Variants in STAU2 observed in about 807,000 individuals in gnomAD.
STAU2 encodes the protein staufen double-stranded RNA binding protein 2, also known as double-stranded RNA-binding protein Staufen homolog 2.
A neutral mutation model predicts 65.9 loss-of-function variants in STAU2; 20 were observed. The observed-to-expected ratio is 0.30, with a 90% CI of 0.21 to 0.44. The LOEUF (loss-of-function observed/expected upper bound fraction) is 0.44. STAU2 is among the 20% of genes least tolerant of loss of function. The pLI is 1.00. For missense variants in STAU2, 558 were observed against 683.9 expected (o/e 0.82, Z 2.05); for synonymous variants, 232 against 233.9 (o/e 0.99, Z 0.07).
At chr8:73,547,114 C>A (rs904586234) in intron 13 of STAU2, among the ~76,000 whole-genome samples, 3 of 152,076 alleles carry the variant, frequency 2.0e-5, no homozygotes, top group Non-Finnish European at 4.4e-5. Context: ...ATTAAAGTTT[C>A]TTTGGTTGGA....
Position 73,709,042 on chromosome 8 carries a change from G to C in STAU2, c.104C>G (p.Ala35Gly). ...TCTTCATAACCTTACCTTTGAATGA[G>C]CAGGCCCTCTTTCATTCAGAAGTTT... ...QYKLLNERGPAHSKMFSVQLS... is the reference protein window; with the variant it reads ...QYKLLNERGPGHSKMFSVQLS... Residue 35 changes from alanine (A) to glycine (G), a missense_variant, in exon 4 of 15, where the codon GCT becomes GGT. This residue lies in a region of STAU2 where 112 missense variants were observed against 114.2 expected (regional missense o/e 0.98). Transcript: ENST00000524300. 1 of 1,526,598 alleles carries C rather than the reference G, an allele frequency of 6.6e-7. No homozygotes were observed. The highest frequency in any genetic ancestry group is 8.8e-7 in the Non-Finnish European group (1 of 1,142,170). 94.6% of individuals were successfully genotyped at this position (1,526,598 alleles called of 1,614,324 possible). A position where few individuals can be genotyped will look rare whatever the true frequency, so the allele number is the denominator to read the frequency against.
At chr8:73,665,865 T>C (rs1306207674) in intron 6 of STAU2, among the ~76,000 whole-genome samples, 1 of 152,178 alleles carries the variant, frequency 6.6e-6, no homozygotes, top group East Asian at 1.9e-4. Context: ...TATTTGCATA[T>C]AACCTATGCA....
chr8:73,437,506 G>A (rs2004254), intron 13 of STAU2, among the ~76,000 whole-genome samples: 3 of 151,974 alleles, frequency 2.0e-5, no homozygotes, highest in Non-Finnish European at 4.4e-5. Flanking sequence ...GAACTCAGCC[G>A]TGGGGACACC....
At chr8:73,495,091 T>C (rs1821334661) in intron 13 of STAU2, among the ~76,000 whole-genome samples, 2 of 151,608 alleles carry the variant, frequency 1.3e-5, no homozygotes, top group Admixed American at 1.3e-4. Flanking sequence ...TGGGAGTTTT[T>C]AATTCTTATT....
intron 5 of STAU2, among the ~76,000 whole-genome samples, chr8:73,684,278 A>C (rs1293672966): frequency 1.3e-5 from 2 of 152,218 alleles, no homozygotes; most frequent in Non-Finnish European, 2.9e-5. Context: ...CCAATGGCAC[A>C]GAATAGAGAA....
At chr8:73,580,990 C>A (rs1470657978) in intron 12 of STAU2, among the ~76,000 whole-genome samples, 1 of 152,194 alleles carries the variant, frequency 6.6e-6, no homozygotes, top group Non-Finnish European at 1.5e-5. Context: ...AGTTTTCTCA[C>A]TTCTAACTTT....
At chr8:73,527,869 C>G in intron 13 of STAU2, 1 of 367,898 alleles carries the variant, frequency 2.7e-6, no homozygotes, top group Non-Finnish European at 4.3e-6. Flanking sequence ...CAAATAGGTC[C>G]TTTTGCAAAG....
chr8:73,724,282 CA>C (rs780034024), intron 3 of STAU2, among the ~76,000 whole-genome samples: 1 of 152,126 alleles, frequency 6.6e-6, no homozygotes, highest in Non-Finnish European at 1.5e-5. Flanking sequence ...GGACAGTAAA[CA>C]CGATCCTTGT....
chr8:73,435,415 C>T (rs1282409349), intron 13 of STAU2, among the ~76,000 whole-genome samples: 2 of 151,888 alleles, frequency 1.3e-5, no homozygotes, highest in African/African-American at 4.9e-5. Flanking sequence ...TGAAGTTCCC[C>T]CAGGAAGACA....
At chr8:73,529,426 C>G (rs895481902) in intron 13 of STAU2, among the ~76,000 whole-genome samples, 8 of 152,048 alleles carry the variant, frequency 5.3e-5, no homozygotes, top group African/African-American at 1.7e-4. Flanking sequence ...ATATAATTAC[C>G]CTTTCGACAC....
chr8:73,691,529 CAATT>C (rs1819319470), intron 4 of STAU2, among the ~76,000 whole-genome samples: 1 of 151,880 alleles, frequency 6.6e-6, no homozygotes, highest in Non-Finnish European at 1.5e-5. Context: ...CTCCTGCTTG[CAATT>C]AACAACTACT....
intron 13 of STAU2, among the ~76,000 whole-genome samples, chr8:73,429,400 T>G (rs916222247): frequency 2.0e-5 from 3 of 148,836 alleles, no homozygotes; most frequent in Non-Finnish European, 4.5e-5. Context: ...CCAATCTATA[T>G]TCTTGCTCAG....
chr8:73,425,676 T>C (rs1816759682), intron 13 of STAU2, among the ~76,000 whole-genome samples: 1 of 152,220 alleles, frequency 6.6e-6, no homozygotes, highest in South Asian at 2.1e-4. Context: ...GTTATAAAAA[T>C]AGTTTTTTGT....
chr8:73,598,111 T>C (rs1811334394), intron 10 of STAU2, among the ~76,000 whole-genome samples: 1 of 152,110 alleles, frequency 6.6e-6, no homozygotes, highest in Non-Finnish European at 1.5e-5. Flanking sequence ...AAAAGATTCA[T>C]GACAAAGTTA....
chr8:73,703,414 C>T (rs1364448654), intron 4 of STAU2, among the ~76,000 whole-genome samples: 1 of 152,158 alleles, frequency 6.6e-6, no homozygotes, highest in Non-Finnish European at 1.5e-5. Context: ...CATGAGCTAA[C>T]TAAACCTCTT....
At chr8:73,697,680 G>A (rs187705420) in intron 4 of STAU2, among the ~76,000 whole-genome samples, 1 of 152,176 alleles carries the variant, frequency 6.6e-6, no homozygotes, top group African/African-American at 2.4e-5. Flanking sequence ...TAAAAAGCTG[G>A]CAGCGGGGAC....
At chr8:73,430,213 G>A (rs561262795) in intron 13 of STAU2, among the ~76,000 whole-genome samples, 42 of 152,300 alleles carry the variant, frequency 2.8e-4, no homozygotes, top group African/African-American at 1.0e-3. Context: ...TGGGCTTGTG[G>A]CATGTAGGAT....
chr8:73,491,672 C>G (rs1821162108), intron 13 of STAU2, among the ~76,000 whole-genome samples: 1 of 151,774 alleles, frequency 6.6e-6, no homozygotes, highest in Admixed American at 6.6e-5. Context: ...AGTTAGAAAC[C>G]TGGAACAGAT....
At chr8:73,483,640 T>C (rs541334565) in intron 13 of STAU2, among the ~76,000 whole-genome samples, 2 of 152,260 alleles carry the variant, frequency 1.3e-5, no homozygotes, top group South Asian at 4.1e-4. Flanking sequence ...TGTCAGCATA[T>C]ATTACAACAT....
Sources: allele counts gnomAD v4.1 joint callset (sites outside exome capture counted in the v4.1 genomes callset), GRCh38; gene constraint gnomAD v4.1.1; regional missense constraint gnomAD v4.1.1; transcripts MANE v1.5; gene names NCBI Gene and HGNC (gene_info 2026-07-23, HGNC 2026-07-21).